ARL15: variants seen among roughly 807,000 people sequenced by gnomAD.
The protein encoded by ARL15 is ARF like GTPase 15.
In ARL15, 19 loss-of-function variants were observed where a neutral mutation model predicts 25.2. The observed-to-expected ratio is 0.75, with a 90% confidence interval of 0.53 to 1.10. The LOEUF (loss-of-function observed/expected upper bound fraction) is 1.10. Ranked by LOEUF, ARL15 falls within the 50% of genes least tolerant of loss-of-function variation. The pLI, the probability that ARL15 is intolerant of heterozygous loss-of-function variation, is 0.00. For missense variants in ARL15, 220 were observed against 246.0 expected, an observed-to-expected ratio of 0.89 and a Z score of 0.71; for synonymous variants, 94 against 86.8, an observed-to-expected ratio of 1.08 and a Z score of -0.46.
intron 3 of ARL15, among the ~76,000 whole-genome samples, chr5:54,124,623 A>G (rs1440465525): frequency 6.6e-6 from 1 of 152,204 alleles, no homozygotes; most frequent in Non-Finnish European, 1.5e-5. Context: ...GCAAAAATCA[A>G]TCTAAGGTCA....
intron 4 of ARL15, among the ~76,000 whole-genome samples, chr5:54,103,977 C>T (rs2112187180): frequency 6.6e-6 from 1 of 152,294 alleles, no homozygotes; most frequent in South Asian, 2.1e-4. Context: ...ATTGCTGGTT[C>T]CCCCAGACTT....
intron 1 of ARL15, among the ~76,000 whole-genome samples, chr5:54,194,147 C>T (rs767198923): frequency 7.2e-5 from 11 of 152,014 alleles, no homozygotes; most frequent in Non-Finnish European, 1.3e-4. Flanking sequence ...ACATGTTTCC[C>T]CTTCATAATT....
intron 3 of ARL15, among the ~76,000 whole-genome samples, chr5:54,147,730 A>G (rs771289054): frequency 6.6e-5 from 10 of 152,182 alleles, no homozygotes; most frequent in Non-Finnish European, 1.0e-4. Flanking sequence ...TCGAATAGCA[A>G]GTTGCTTTCT....
intron 4 of ARL15, among the ~76,000 whole-genome samples, chr5:53,887,712 T>C (rs1348947487): frequency 6.6e-6 from 1 of 152,178 alleles, no homozygotes; most frequent in Non-Finnish European, 1.5e-5. Context: ...AAAAGAGACA[T>C]TGCTCAAAGA....
intron 4 of ARL15, among the ~76,000 whole-genome samples, chr5:54,078,778 A>T (rs1751695219): frequency 6.6e-6 from 1 of 152,244 alleles, no homozygotes. Context: ...AATAAAAATA[A>T]TCACATATAA....
At chr5:53,952,492 T>C (rs1747010025) in intron 4 of ARL15, among the ~76,000 whole-genome samples, 1 of 152,114 alleles carries the variant, frequency 6.6e-6, no homozygotes, top group African/African-American at 2.4e-5. Context: ...AAAACGTGCC[T>C]TGGGCCTGTT....
intron 4 of ARL15, among the ~76,000 whole-genome samples, chr5:54,033,594 C>G (rs191923229): frequency 6.6e-6 from 1 of 151,192 alleles, no homozygotes; most frequent in African/African-American, 2.4e-5. Context: ...ATTGCTTGAA[C>G]CTGGGAGGTG....
chr5:53,920,085 G>C (rs1745796112), intron 4 of ARL15, among the ~76,000 whole-genome samples: 1 of 152,140 alleles, frequency 6.6e-6, no homozygotes, highest in Non-Finnish European at 1.5e-5. Context: ...CTACTTAATA[G>C]AAAGCTGTAA....
At chr5:54,113,931 TTA>T (rs1752816498) in intron 3 of ARL15, among the ~76,000 whole-genome samples, 2 of 152,174 alleles carry the variant, frequency 1.3e-5, no homozygotes, top group African/African-American at 4.8e-5. Context: ...CACAATAGCT[TTA>T]TGTGTCAAAG....
At chr5:54,256,791 T>C (rs1172183089) in intron 1 of ARL15, among the ~76,000 whole-genome samples, 1 of 151,840 alleles carries the variant, frequency 6.6e-6, no homozygotes, top group African/African-American at 2.4e-5. Context: ...TTTAACATAT[T>C]CAAGTCAATA....
chr5:53,997,565 A>C (rs1404889834), intron 4 of ARL15, among the ~76,000 whole-genome samples: 1 of 152,188 alleles, frequency 6.6e-6, no homozygotes, highest in Non-Finnish European at 1.5e-5. Flanking sequence ...ATAGCATGAG[A>C]GAATGAAAGG....
chr5:53,885,360 T>C lies in ARL15; in HGVS notation c.*1201A>G, dbSNP rs1321979937. The C allele has an allele frequency of 1.3e-5, 2 of 152,594 alleles. No individual in the cohort carries two copies. The highest frequency in any genetic ancestry group is 2.9e-5 in the Non-Finnish European group (2 of 68,018). The allele number at this position is 152,594 out of a possible 1,614,324, so 9.5% of individuals were successfully genotyped here. On this transcript the variant is annotated 3_prime_UTR_variant, in exon 5 of 5. Transcript: ENST00000504924. ...AAGGTGCTAAACCTTAGTAAAACTG[T>C]ACATTTATCCCTATGCAATTTTGTC...
chr5:53,969,431 T>A (rs751170710), intron 4 of ARL15, among the ~76,000 whole-genome samples: 7 of 152,214 alleles, frequency 4.6e-5, no homozygotes, highest in Non-Finnish European at 8.8e-5. Flanking sequence ...TTAGTTTTTC[T>A]TTTTGTGTCT....
At chr5:54,154,663 A>G (rs1322014614) in intron 2 of ARL15, 24 bp from the exon 3 acceptor site, 2 of 1,421,168 alleles carry the variant, frequency 1.4e-6, no homozygotes, top group Non-Finnish European at 9.4e-7. Flanking sequence ...ACAAAAACAT[A>G]AAAAAAGAAT....
At position 53,930,382 on chromosome 5, in the gene ARL15, G is replaced by C. The variant is rs1015787493; in HGVS notation, c.463-43669C>G. Among the ~76,000 whole-genome samples, 3 of 152,224 alleles carry C rather than the reference G, an allele frequency of 2.0e-5. No homozygotes were observed. The South Asian group carries it at 6.2e-4, about 32-fold the overall frequency. ...GGTATCATCAGGGCAGCTTGAATTTGGTATCACCAAACAGTCTTTGAGAAG... is the reference window on the plus strand; with the variant it reads ...GGTATCATCAGGGCAGCTTGAATTTCGTATCACCAAACAGTCTTTGAGAAG... On this transcript the variant is annotated intron_variant, in intron 4 of 4. Coordinates refer to ENST00000504924, the MANE Select transcript of ARL15 (RefSeq NM_019087.3).
chr5:54,268,484 G>A (rs191024314), intron 1 of ARL15, among the ~76,000 whole-genome samples: 2,651 of 152,244 alleles, frequency 0.017, 28 homozygotes, highest in Middle Eastern at 0.034. Flanking sequence ...GTCATTCTCC[G>A]TCCAGCTTTG....
intron 4 of ARL15, among the ~76,000 whole-genome samples, chr5:54,068,548 A>G (rs932407562): frequency 1.3e-5 from 2 of 152,206 alleles, no homozygotes; most frequent in Non-Finnish European, 2.9e-5. Flanking sequence ...ACATAACCCT[A>G]GTGAAAGAGA....
At chr5:53,960,122 G>C (rs989932712) in intron 4 of ARL15, among the ~76,000 whole-genome samples, 14 of 152,070 alleles carry the variant, frequency 9.2e-5, no homozygotes, top group Admixed American at 3.9e-4. Flanking sequence ...ATTAAAATGG[G>C]TATTGTTTTC....
chr5:53,977,153 T>G (rs1009557240), intron 4 of ARL15, among the ~76,000 whole-genome samples: 2 of 151,906 alleles, frequency 1.3e-5, no homozygotes, highest in Non-Finnish European at 2.9e-5. Flanking sequence ...GGTCAGGAGA[T>G]CAAGACCATC....
Sources: allele counts gnomAD v4.1 joint callset (sites outside exome capture counted in the v4.1 genomes callset), GRCh38; gene constraint gnomAD v4.1.1; transcripts MANE v1.5; gene names NCBI Gene and HGNC (gene_info 2026-07-23, HGNC 2026-07-21).